The following AK9 variants were observed in gnomAD, a reference collection of about 807,000 sequenced individuals.
The protein encoded by AK9 is adenylate kinase 9, also known as adenylate kinase domain containing 1.
AK9 carries 191 observed loss-of-function variants against 239.6 expected under a neutral mutation model. The observed-to-expected ratio is 0.80, with a 90% CI of 0.71 to 0.90. The LOEUF is 0.90. Among genes scored for constraint, AK9 ranks in the 40% least tolerant of loss-of-function variants. AK9 has a pLI of 0.00. For synonymous variants in AK9, 689 were observed against 721.0 expected (o/e 0.96, Z 0.71); for missense variants, 1,995 against 2,214.7 (o/e 0.90, Z 1.99).
rs77841791 is a variant in AK9 at position 109,636,324 on chromosome 6, G to T, written c.934-3001C>A. Among the ~76,000 whole-genome samples, 33 of 152,108 alleles carry T rather than the reference G, an allele frequency of 2.2e-4. No homozygotes were observed. The East Asian group carries it at 5.2e-3, about 24-fold the overall frequency. On this transcript the variant is annotated intron_variant, in intron 10 of 40. Transcript: ENST00000424296. ...GCTTTCCTACCCCTTTAAACCAGTG[G>T]TTCTCTTCCTGAGCTGCATAGTAGA...
At chr6:109,498,483 A>T (rs1434460921) in intron 36 of AK9, among the ~76,000 whole-genome samples, 1 of 152,242 alleles carries the variant, frequency 6.6e-6, no homozygotes, top group African/African-American at 2.4e-5. Flanking sequence ...AAGGAAATAA[A>T]ATGTTCAGAG....
At chr6:109,532,922 G>A (rs1244208792) in intron 28 of AK9, among the ~76,000 whole-genome samples, 3 of 151,978 alleles carry the variant, frequency 2.0e-5, no homozygotes, top group Admixed American at 6.6e-5. Context: ...CAGGGGCAGC[G>A]AAAAAGACCT....
intron 13 of AK9, among the ~76,000 whole-genome samples, chr6:109,617,835 G>C (rs1331689530): frequency 7.2e-6 from 1 of 139,312 alleles, no homozygotes; most frequent in African/African-American, 2.5e-5. Flanking sequence ...CTGGTTTTCT[G>C]TGCTCACTTG....
At chr6:109,536,661 A>G (rs1020405169) in intron 27 of AK9, among the ~76,000 whole-genome samples, 2 of 152,162 alleles carry the variant, frequency 1.3e-5, no homozygotes, top group African/African-American at 4.8e-5. Context: ...GTGGTGAGAG[A>G]GGGCATCCCT....
intron 8 of AK9, among the ~76,000 whole-genome samples, chr6:109,651,758 A>C (rs978547139): frequency 1.3e-5 from 2 of 152,204 alleles, no homozygotes; most frequent in African/African-American, 4.8e-5. Context: ...ATCCCACAGA[A>C]ATGCAAACTA....
rs572194210 is a variant in AK9 at position 109,552,920 on chromosome 6, T to C, written c.2752-2618A>G. On this transcript the variant is annotated intron_variant, in intron 24 of 40. Coordinates refer to ENST00000424296, the MANE Select transcript of AK9 (RefSeq NM_001145128.3). The stretch of plus-strand genomic sequence containing the variant: ...AAGGGTCCAGTTTCAGTTTTCTGCA[T>C]ACGGCTAGCCAGTTTTCCCAGCACC... 2.0e-5 allele frequency among the ~76,000 whole-genome samples: 3 copies of C among 152,354 alleles called. 1 individual carries two copies. The South Asian group carries it at 6.2e-4, about 32-fold the overall frequency.
chr6:109,597,681 T>A (rs1001120218), intron 17 of AK9, among the ~76,000 whole-genome samples: 9 of 14,046 alleles, frequency 6.4e-4, no homozygotes, highest in Admixed American at 1.3e-3. Flanking sequence ...TCAAAAAAAA[T>A]TTTTTTTTAT....
chr6:109,664,909 G>T (rs1429025277), intron 5 of AK9, among the ~76,000 whole-genome samples: 1 of 151,554 alleles, frequency 6.6e-6, no homozygotes, highest in East Asian at 2.0e-4. Context: ...GCATAGTGGC[G>T]GGTGCCTGTA....
chr6:109,581,237 T>C, intron 19 of AK9, among the ~76,000 whole-genome samples: 1 of 152,126 alleles, frequency 6.6e-6, no homozygotes, highest in Non-Finnish European at 1.5e-5. Context: ...CTCCAGCTTT[T>C]TAAGTGAAAA....
At chr6:109,528,922 G>C (rs779843375) in intron 29 of AK9, 89 bp downstream of exon 29, 1 of 1,555,676 alleles carries the variant, frequency 6.4e-7, no homozygotes, top group Non-Finnish European at 8.7e-7. Flanking sequence ...AGGAGTTCGA[G>C]GTTGCAGTGA....
intron 2 of AK9, 52 bp from the exon 3 acceptor site, chr6:109,674,313 G>A: frequency 7.8e-7 from 1 of 1,284,888 alleles, no homozygotes; most frequent in African/African-American, 1.5e-5. Flanking sequence ...ACTTGCCAGT[G>A]ACACAGATAC....
chr6:109,598,906 C>A (rs1274900419), intron 17 of AK9, among the ~76,000 whole-genome samples: 1 of 151,716 alleles, frequency 6.6e-6, no homozygotes, highest in Non-Finnish European at 1.5e-5. Context: ...CCTTTGCCCA[C>A]TTGTTGATGG....
chr6:109,651,328 T>C (rs1798912307), intron 8 of AK9, among the ~76,000 whole-genome samples: 1 of 150,816 alleles, frequency 6.6e-6, no homozygotes, highest in Non-Finnish European at 1.5e-5. Flanking sequence ...ACTGGGTACA[T>C]AACGAAATGA....
At chr6:109,625,771 T>G (rs1291570903) in intron 12 of AK9, among the ~76,000 whole-genome samples, 1 of 152,218 alleles carries the variant, frequency 6.6e-6, no homozygotes, top group Non-Finnish European at 1.5e-5. Context: ...GTTTTCACCA[T>G]TAAATATGAT....
At chr6:109,652,263 T>A (rs1339033608) in intron 8 of AK9, among the ~76,000 whole-genome samples, 1 of 152,210 alleles carries the variant, frequency 6.6e-6, no homozygotes, top group Admixed American at 6.5e-5. Context: ...CGCAAATGAA[T>A]AAATGTAATC....
At chr6:109,650,877 T>C (rs1319384791) in intron 8 of AK9, among the ~76,000 whole-genome samples, 1 of 152,128 alleles carries the variant, frequency 6.6e-6, no homozygotes, top group African/African-American at 2.4e-5. Context: ...GTGGCACACA[T>C]ACACCATGGA....
At chr6:109,560,141 T>C (rs1027937029) in intron 24 of AK9, among the ~76,000 whole-genome samples, 6 of 152,224 alleles carry the variant, frequency 3.9e-5, no homozygotes, top group Non-Finnish European at 8.8e-5. Flanking sequence ...CATTCACAAG[T>C]GTCAATTCAC....
At chr6:109,585,006 C>G (rs1314641233) in intron 19 of AK9, 117 bp downstream of exon 19, 4 of 733,144 alleles carry the variant, frequency 5.5e-6, no homozygotes, top group East Asian at 2.4e-4. Flanking sequence ...AGAATCAGAT[C>G]AAGATAATAA....
Position 109,497,829 on chromosome 6 carries a change from T to C in AK9, c.5183A>G (p.Tyr1728Cys), listed in dbSNP as rs374592203. The part of the protein sequence containing the change: ...RFPKCAELQG[Y>C]CPVTYKDGNQ... ...TCCATCCTTATAGGTCACTGGACAG[T>C]AGCCCTGGAGCTCCGCACACTTAGG... Residue 1728 changes from tyrosine to cysteine, a missense_variant, in exon 37 of 41, where the codon TAC becomes TGC. Tyr to Cys is a radical substitution (Grantham distance 194, BLOSUM62 -2). Around this residue, in one of 5 missense-constraint regions of AK9, gnomAD observed 391 missense variants for 456.0 expected, o/e 0.86. Transcript: ENST00000424296. 38 of 1,613,942 alleles carry C rather than the reference T, an allele frequency of 2.4e-5. No individual in the cohort carries two copies. The highest frequency in any genetic ancestry group is 3.0e-5 in the Non-Finnish European group (35 of 1,179,866).
Sources: allele counts gnomAD v4.1 joint callset (sites outside exome capture counted in the v4.1 genomes callset), GRCh38; gene constraint gnomAD v4.1.1; regional missense constraint gnomAD v4.1.1; transcripts MANE v1.5; gene names NCBI Gene and HGNC (gene_info 2026-07-23, HGNC 2026-07-21).